Variants in ADAMTS3 observed in about 807,000 individuals in gnomAD.
The protein encoded by ADAMTS3 is ADAM metallopeptidase with thrombospondin type 1 motif 3, also known as A disintegrin and metalloproteinase with thrombospondin motifs 3.
In ADAMTS3, 73 loss-of-function variants were observed where a neutral mutation model predicts 129.0. That is an observed-to-expected ratio of 0.57 (90% CI 0.47 to 0.69). ADAMTS3 has a LOEUF of 0.69. Ranked by LOEUF, ADAMTS3 falls within the 30% of genes least tolerant of loss-of-function variation. The pLI is 0.00. For missense variants in ADAMTS3, 1,457 were observed against 1,514.5 expected, an observed-to-expected ratio of 0.96 and a Z score of 0.63; for synonymous variants, 477 against 510.8, an observed-to-expected ratio of 0.93 and a Z score of 0.89.
intron 12 of ADAMTS3, among the ~76,000 whole-genome samples, chr4:72,313,218 A>G (rs1719292880): frequency 6.6e-6 from 1 of 152,186 alleles, no homozygotes; most frequent in Non-Finnish European, 1.5e-5. Flanking sequence ...GAATGAATAG[A>G]TAACTTTCCC....
intron 3 of ADAMTS3, among the ~76,000 whole-genome samples, chr4:72,450,144 G>A (rs1430042476): frequency 6.6e-6 from 1 of 151,536 alleles, no homozygotes; most frequent in Non-Finnish European, 1.5e-5. Context: ...TAATCTTGGT[G>A]CCCATAATTC....
chr4:72,419,940 T>G (rs1722402425), intron 3 of ADAMTS3, among the ~76,000 whole-genome samples: 1 of 152,166 alleles, frequency 6.6e-6, no homozygotes, highest in South Asian at 2.1e-4. Flanking sequence ...TATTTTCATA[T>G]TTCTCTGATG....
intron 3 of ADAMTS3, among the ~76,000 whole-genome samples, chr4:72,525,055 A>G (rs1006908638): frequency 1.3e-5 from 2 of 152,196 alleles, no homozygotes; most frequent in Non-Finnish European, 1.5e-5. Context: ...TTCTTCATCT[A>G]TAAAGCTATA....
At chr4:72,458,898 C>T (rs1718693016) in intron 3 of ADAMTS3, among the ~76,000 whole-genome samples, 1 of 151,432 alleles carries the variant, frequency 6.6e-6, no homozygotes, top group Non-Finnish European at 1.5e-5. Context: ...CACTGGTGAC[C>T]ACAAAAATGA....
At chr4:72,350,152 C>T (rs563197498) in intron 4 of ADAMTS3, among the ~76,000 whole-genome samples, 3 of 152,026 alleles carry the variant, frequency 2.0e-5, no homozygotes, top group South Asian at 2.1e-4. Flanking sequence ...GTGATTTCTG[C>T]TAAAGACACT....
chr4:72,284,142 C>T (rs1381294390), intron 21 of ADAMTS3, among the ~76,000 whole-genome samples: 2 of 152,038 alleles, frequency 1.3e-5, no homozygotes, highest in Non-Finnish European at 2.9e-5. Context: ...AAAATAAATA[C>T]TAAACACTTG....
chr4:72,539,230 G>A (rs879767013), intron 3 of ADAMTS3, among the ~76,000 whole-genome samples: 7 of 151,970 alleles, frequency 4.6e-5, no homozygotes, highest in Admixed American at 4.6e-4. Flanking sequence ...GCAACACACA[G>A]AATGGAAGAG....
At chr4:72,543,136 C>G (rs1721376568) in intron 3 of ADAMTS3, among the ~76,000 whole-genome samples, 2 of 152,078 alleles carry the variant, frequency 1.3e-5, no homozygotes, top group Admixed American at 1.3e-4. Flanking sequence ...TATTTTGCAT[C>G]AAAATAAACT....
At chr4:72,447,591 G>A (rs1391131052) in intron 3 of ADAMTS3, among the ~76,000 whole-genome samples, 1 of 151,694 alleles carries the variant, frequency 6.6e-6, no homozygotes, top group Non-Finnish European at 1.5e-5. Flanking sequence ...AGATTTTCTT[G>A]TATTCAAAAA....
In ADAMTS3 at chr4:72,415,076, C is replaced by T. The variant is rs187745699; in HGVS notation, c.505-105G>A. ...CAAGAATATGACTTGTGAAAACTAA[C>T]GCTTTTTCTTTCCACATTTGGCCAT... On this transcript the variant is annotated intron_variant, in intron 3 of 21. Transcript: ENST00000286657. 8.1e-5 allele frequency: 71 copies of T among 872,222 alleles called. No homozygotes were observed. In the African/African-American group the frequency reaches 8.8e-4, roughly 11 times the overall value. 54.0% of individuals were successfully genotyped at this position (872,222 alleles called of 1,614,324 possible).
chr4:72,339,697 A>G lies in ADAMTS3; in HGVS notation c.662-4T>C, dbSNP rs367600702. 3.1e-6 allele frequency: 5 copies of G among 1,612,932 alleles called. No individual in the cohort carries two copies. In the African/African-American group the frequency reaches 4.0e-5, roughly 13 times the overall value. On this transcript the variant is annotated splice_polypyrimidine_tract_variant and splice_region_variant and intron_variant, in intron 4 of 21. Coordinates refer to ENST00000286657, the MANE Select transcript of ADAMTS3 (RefSeq NM_014243.3). ...TCAAGGCCTTCCAGGTCCGACTCTAATAAGAGACAAAAGGAACCAGGAATT... is the reference window on the plus strand; with the variant it reads ...TCAAGGCCTTCCAGGTCCGACTCTAGTAAGAGACAAAAGGAACCAGGAATT...
chr4:72,495,301 G>A (rs1392083469), intron 3 of ADAMTS3, among the ~76,000 whole-genome samples: 1 of 152,120 alleles, frequency 6.6e-6, no homozygotes, highest in African/African-American at 2.4e-5. Context: ...TCATTGTAGG[G>A]AACTGGTAGC....
intron 4 of ADAMTS3, among the ~76,000 whole-genome samples, chr4:72,376,544 T>C (rs893239107): frequency 1.3e-5 from 2 of 152,166 alleles, no homozygotes; most frequent in African/African-American, 4.8e-5. Flanking sequence ...AATGTTAGAA[T>C]GCATTTGAAG....
At chr4:72,301,352 T>C (rs569118698) in intron 17 of ADAMTS3, among the ~76,000 whole-genome samples, 4 of 152,140 alleles carry the variant, frequency 2.6e-5, no homozygotes, top group Admixed American at 1.3e-4. Context: ...AGACAACCTA[T>C]GGACTGGAAT....
intron 4 of ADAMTS3, among the ~76,000 whole-genome samples, chr4:72,340,337 G>GTA (rs1491152623): frequency 7.1e-6 from 1 of 140,812 alleles, no homozygotes; most frequent in African/African-American, 2.8e-5. Context: ...GTGTGTGTGT[G>GTA]TATGTGTATG....
At chr4:72,540,528 T>A (rs185242422) in intron 3 of ADAMTS3, among the ~76,000 whole-genome samples, 1 of 152,126 alleles carries the variant, frequency 6.6e-6, no homozygotes, top group Admixed American at 6.6e-5. Flanking sequence ...CAAATGTTAA[T>A]CCCCAAGACT....
chr4:72,546,489 C>T lies in ADAMTS3; in HGVS notation c.504+1989G>A, dbSNP rs190594478. 1.9e-4 allele frequency among the ~76,000 whole-genome samples: 29 copies of T among 152,116 alleles called. No homozygotes were observed. The East Asian group carries it at 4.4e-3, about 23-fold the overall frequency. On this transcript the variant is annotated intron_variant, in intron 3 of 21. Transcript: ENST00000286657. ...TGAAAACCTCTGTCCTAGATAAACC[C>T]CCTTGATCTTAAAATCAGCCCACAG...
At chr4:72,304,341 T>G (rs1719030744) in intron 16 of ADAMTS3, among the ~76,000 whole-genome samples, 1 of 152,154 alleles carries the variant, frequency 6.6e-6, no homozygotes, top group Non-Finnish European at 1.5e-5. Context: ...ATATTCCCAT[T>G]TGAAAACATC....
At chr4:72,477,137 A>C (rs1340412930) in intron 3 of ADAMTS3, among the ~76,000 whole-genome samples, 1 of 151,898 alleles carries the variant, frequency 6.6e-6, no homozygotes, top group Non-Finnish European at 1.5e-5. Flanking sequence ...AGAGATGTCT[A>C]CTCTCAGCAC....
Sources: gnomAD v4.1 joint callset for allele counts (sites outside exome capture counted in the v4.1 genomes callset) on GRCh38, gnomAD v4.1.1 for gene constraint, MANE v1.5 for transcripts, NCBI Gene and HGNC (gene_info 2026-07-23, HGNC 2026-07-21) for gene names.